Variants in VPS13B observed in about 807,000 individuals in gnomAD.
The protein encoded by VPS13B is vacuolar protein sorting 13 homolog B.
In VPS13B, 285 loss-of-function variants were observed where a neutral mutation model predicts 426.4. That is an observed-to-expected ratio of 0.67 (90% confidence interval 0.61 to 0.74). The LOEUF (loss-of-function observed/expected upper bound fraction) is 0.74, where lower values mean the gene tolerates loss of function less well. VPS13B is among the 30% of genes least tolerant of loss of function. The pLI, the probability that VPS13B is intolerant of heterozygous loss-of-function variation, is 0.00. For synonymous variants in VPS13B, 1,676 were observed against 1,676.4 expected (o/e 1.00, Z 0.01); for missense variants, 4,537 against 4,782.6 (o/e 0.95, Z 1.51).
At chr8:99,693,390 T>A (rs1298573063) in intron 35 of VPS13B, among the ~76,000 whole-genome samples, 1 of 150,052 alleles carries the variant, frequency 6.7e-6, no homozygotes, top group African/African-American at 2.5e-5. Flanking sequence ...GCTGGTTCAA[T>A]ATATGCAAAT....
intron 17 of VPS13B, among the ~76,000 whole-genome samples, chr8:99,234,720 ATTCT>A (rs1310857438): frequency 2.0e-5 from 3 of 152,258 alleles, no homozygotes; most frequent in Non-Finnish European, 4.4e-5. Flanking sequence ...TTATATCCTC[ATTCT>A]TTGTATAATT....
chr8:99,651,504 C>A (rs1313640870), intron 34 of VPS13B, among the ~76,000 whole-genome samples: 2 of 152,038 alleles, frequency 1.3e-5, no homozygotes, highest in Non-Finnish European at 2.9e-5. Flanking sequence ...ACTAATGTGG[C>A]AATAGGCTTT....
Position 99,360,132 on chromosome 8 carries a change from T to A in VPS13B, c.2825-24076T>A, listed in dbSNP as rs1175517310. Among the ~76,000 whole-genome samples the A allele has an allele frequency of 3.4e-3, 80 of 23,396 alleles. 2 individuals are homozygous for A. The highest frequency in any genetic ancestry group is 8.1e-3 in the African/African-American group (43 of 5,332). 15.3% of individuals were successfully genotyped at this position (23,396 alleles called of 152,430 possible). On this transcript the variant is annotated intron_variant, in intron 19 of 61. Coordinates refer to ENST00000357162, the MANE Select transcript of VPS13B (RefSeq NM_152564.5). ...TTTTTTTTTCCTTATCTTTCTTTCT[T>A]TCTTTCTTTCTTTCTTTCTTTCTTT...
intron 39 of VPS13B, among the ~76,000 whole-genome samples, chr8:99,764,866 T>C (rs1045893601): frequency 2.0e-5 from 3 of 152,190 alleles, no homozygotes; most frequent in Non-Finnish European, 4.4e-5. Context: ...CACACACATA[T>C]GTATATACAT....
chr8:99,219,813 A>G (rs1815602217), intron 17 of VPS13B, among the ~76,000 whole-genome samples: 2 of 152,190 alleles, frequency 1.3e-5, no homozygotes, highest in Admixed American at 6.5e-5. Flanking sequence ...TGAGTTTTGG[A>G]GGGGACAAAC....
intron 21 of VPS13B, among the ~76,000 whole-genome samples, chr8:99,393,585 T>G (rs552063547): frequency 3.3e-5 from 5 of 152,304 alleles, no homozygotes; most frequent in African/African-American, 1.2e-4. Flanking sequence ...GATAAGGACA[T>G]TATTATTTCA....
At chr8:99,021,183 T>C (rs1282228933) in intron 2 of VPS13B, among the ~76,000 whole-genome samples, 1 of 152,256 alleles carries the variant, frequency 6.6e-6, no homozygotes, top group Non-Finnish European at 1.5e-5. Flanking sequence ...ATTAAGTAGC[T>C]AGGACAGAGA....
chr8:99,346,596 A>G lies in VPS13B; in HGVS notation c.2825-37612A>G, dbSNP rs1319575300. On this transcript the variant is annotated intron_variant, in intron 19 of 61. Coordinates refer to ENST00000357162, the MANE Select transcript of VPS13B (RefSeq NM_152564.5). The stretch of plus-strand genomic sequence containing the variant: ...CAATATTCAAAATGTAGTGAGTGGT[A>G]TGCTTCCTTTTCACTTTTGTAAGGA... The G allele has an allele frequency of 3.9e-5, 6 of 155,274 alleles. No individual in the cohort carries two copies. In the East Asian group the frequency reaches 5.6e-4, roughly 15 times the overall value. The allele number at this position is 155,274 out of a possible 1,614,324, so 9.6% of individuals were successfully genotyped here.
At chr8:99,691,341 A>T (rs1351740981) in intron 35 of VPS13B, among the ~76,000 whole-genome samples, 1 of 152,060 alleles carries the variant, frequency 6.6e-6, no homozygotes, top group Non-Finnish European at 1.5e-5. Flanking sequence ...TAAAAACAAT[A>T]AATTGTATGC....
intron 3 of VPS13B, among the ~76,000 whole-genome samples, chr8:99,060,798 A>G (rs1301870638): frequency 2.0e-5 from 3 of 151,942 alleles, no homozygotes; most frequent in African/African-American, 7.3e-5. Flanking sequence ...GGAATTCTGT[A>G]TTTGTTTCAC....
intron 54 of VPS13B, among the ~76,000 whole-genome samples, chr8:99,839,566 G>T (rs1255167005): frequency 6.6e-6 from 1 of 152,178 alleles, no homozygotes; most frequent in Non-Finnish European, 1.5e-5. Flanking sequence ...AATCAGCTAG[G>T]TGACTTGCAA....
At chr8:99,387,192 T>A (rs3134301) in intron 20 of VPS13B, among the ~76,000 whole-genome samples, 26,465 of 152,118 alleles carry the variant, frequency 0.17, 2,822 homozygotes, top group East Asian at 0.38. Context: ...GCTTCCAAAA[T>A]GGGTATAAAA....
intron 33 of VPS13B, among the ~76,000 whole-genome samples, chr8:99,632,584 A>G (rs2133913723): frequency 6.6e-6 from 1 of 152,074 alleles, no homozygotes; most frequent in Non-Finnish European, 1.5e-5. Flanking sequence ...TGATCAAAGC[A>G]TTTGTGTGGA....
At chr8:99,053,784 C>G (rs918109736) in intron 3 of VPS13B, among the ~76,000 whole-genome samples, 1 of 151,208 alleles carries the variant, frequency 6.6e-6, no homozygotes, top group Non-Finnish European at 1.5e-5. Flanking sequence ...TTCACTTCAA[C>G]CTCTCCCTCC....
At chr8:99,161,962 G>C (rs1183335049) in intron 15 of VPS13B, among the ~76,000 whole-genome samples, 2 of 152,098 alleles carry the variant, frequency 1.3e-5, no homozygotes, top group Middle Eastern at 3.4e-3. Flanking sequence ...CGAACTCTTG[G>C]CCTCAAATTG....
intron 54 of VPS13B, among the ~76,000 whole-genome samples, chr8:99,846,890 T>A (rs1217267754): frequency 6.6e-6 from 1 of 152,106 alleles, no homozygotes; most frequent in African/African-American, 2.4e-5. Flanking sequence ...CTCTAAGGGG[T>A]CCTGAAGTTA....
At chr8:99,331,366 G>C (rs918173425) in intron 19 of VPS13B, among the ~76,000 whole-genome samples, 2 of 151,664 alleles carry the variant, frequency 1.3e-5, no homozygotes, top group Non-Finnish European at 3.0e-5. Flanking sequence ...AATGACCATA[G>C]AACTGTCAGC....
intron 19 of VPS13B, among the ~76,000 whole-genome samples, chr8:99,342,266 ACT>A (rs1286048832): frequency 2.0e-5 from 3 of 151,976 alleles, no homozygotes; most frequent in African/African-American, 7.3e-5. Flanking sequence ...TGAAATTTAC[ACT>A]CTTCATTATT....
At chr8:99,340,886 T>C in intron 19 of VPS13B, 1 of 315,674 alleles carries the variant, frequency 3.2e-6, no homozygotes, top group South Asian at 3.8e-5. Flanking sequence ...CAGCTGTGGT[T>C]GTCTGACTCT....
Sources: gnomAD v4.1 joint callset for allele counts (sites outside exome capture counted in the v4.1 genomes callset) on GRCh38, gnomAD v4.1.1 for gene constraint, MANE v1.5 for transcripts, NCBI Gene and HGNC (gene_info 2026-07-23, HGNC 2026-07-21) for gene names.